The following DDX10 variants were observed in gnomAD, a reference collection of about 807,000 sequenced individuals.
The protein encoded by DDX10 is probable ATP-dependent RNA helicase DDX10.
Under a neutral mutation model 104.3 loss-of-function variants are expected in DDX10, and 74 were observed. That is an observed-to-expected ratio of 0.71 (90% CI 0.59 to 0.86). The LOEUF (loss-of-function observed/expected upper bound fraction) is 0.86, where lower values mean the gene tolerates loss of function less well. Ranked by LOEUF, DDX10 falls within the 40% of genes least tolerant of loss-of-function variation. The probability of loss-of-function intolerance (pLI) is 0.00; values close to 1 mark genes in which losing one functional copy is unlikely to be tolerated. For missense variants in DDX10, 952 were observed against 1,040.0 expected, an observed-to-expected ratio of 0.92 and a Z score of 1.16; for synonymous variants, 351 against 353.4, an observed-to-expected ratio of 0.99 and a Z score of 0.08.
intron 13 of DDX10, among the ~76,000 whole-genome samples, chr11:108,805,501 A>G (rs1406286700): frequency 2.6e-5 from 4 of 152,252 alleles, no homozygotes; most frequent in Non-Finnish European, 5.9e-5. Context: ...GTTATTAGCA[A>G]CATCTTATAT....
chr11:108,702,436 A>G (rs915114599), intron 9 of DDX10, among the ~76,000 whole-genome samples: 9 of 152,226 alleles, frequency 5.9e-5, no homozygotes, highest in Non-Finnish European at 1.3e-4. Flanking sequence ...GCAGTTGTGA[A>G]TAGCGTATCA....
chr11:108,762,811 T>C (rs751750162), intron 13 of DDX10, among the ~76,000 whole-genome samples: 3 of 152,168 alleles, frequency 2.0e-5, no homozygotes, highest in Non-Finnish European at 4.4e-5. Context: ...GGAGAGTGCT[T>C]GTCTGTTTGG....
chr11:108,710,433 T>C (rs2094282733), intron 10 of DDX10, among the ~76,000 whole-genome samples: 1 of 152,178 alleles, frequency 6.6e-6, no homozygotes, highest in Non-Finnish European at 1.5e-5. Flanking sequence ...GTTAAAAATA[T>C]TTGTTTTCCC....
intron 10 of DDX10, among the ~76,000 whole-genome samples, chr11:108,708,018 A>G (rs2094278856): frequency 6.6e-6 from 1 of 152,146 alleles, no homozygotes; most frequent in South Asian, 2.1e-4. Flanking sequence ...AAGGAGCTTG[A>G]TTGCTGGGTC....
At chr11:108,897,010 T>A (rs1370970686) in intron 16 of DDX10, among the ~76,000 whole-genome samples, 4 of 152,122 alleles carry the variant, frequency 2.6e-5, no homozygotes, top group Non-Finnish European at 4.4e-5. Context: ...AAAAACTTTT[T>A]AAAAAATTTC....
intron 16 of DDX10, among the ~76,000 whole-genome samples, chr11:108,857,755 T>C (rs12808674): frequency 0.15 from 22,478 of 152,264 alleles, 1,719 homozygotes; most frequent in East Asian, 0.25. Flanking sequence ...AAATCTGCTT[T>C]ATATGACGCT....
Position 108,678,497 on chromosome 11 carries a change from A to G in DDX10, c.658+62A>G, listed in dbSNP as rs953977175. ...AGCTCAGACTTAGGAGAGAGCCCTT[A>G]TACATTTTTATGATAGAAATTTTAT... On this transcript the variant is annotated intron_variant, in intron 5 of 17. Transcript: ENST00000322536. 6.5e-6 allele frequency: 9 copies of G among 1,384,802 alleles called. No individual in the cohort carries two copies. The African/African-American group carries it at 1.3e-4, about 20-fold the overall frequency. The allele number at this position is 1,384,802 out of a possible 1,614,324, so 85.8% of individuals were successfully genotyped here. A position where few individuals can be genotyped will look rare whatever the true frequency, so the allele number is the denominator to read the frequency against.
rs552029756 is a variant in DDX10 at position 108,893,513 on chromosome 11, AATG to A, written c.2305-24357_2305-24355del. Among the ~76,000 whole-genome samples the A allele has an allele frequency of 9.9e-5, 15 of 152,162 alleles. No homozygotes were observed. In the South Asian group the frequency reaches 3.1e-3, roughly 32 times the overall value. On this transcript the variant is annotated intron_variant, in intron 16 of 17. Coordinates refer to ENST00000322536, the MANE Select transcript of DDX10 (RefSeq NM_004398.4). Reference sequence around the variant, plus strand: ...AATTTTTAAATGTTAACCCATAAATAATGATATTGTTCCTTCTCATAATTATGC... The same window carrying A: ...AATTTTTAAATGTTAACCCATAAATAATATTGTTCCTTCTCATAATTATGC...
intron 13 of DDX10, among the ~76,000 whole-genome samples, chr11:108,813,162 A>G (rs1318985840): frequency 6.6e-6 from 1 of 152,170 alleles, no homozygotes; most frequent in African/African-American, 2.4e-5. Context: ...CCTATAGAAT[A>G]AATTCCTAGA....
intron 6 of DDX10, among the ~76,000 whole-genome samples, chr11:108,680,298 T>G (rs571712716): frequency 6.6e-6 from 1 of 152,344 alleles, no homozygotes; most frequent in African/African-American, 2.4e-5. Context: ...CACTACAGCC[T>G]TCAACTTCTG....
intron 13 of DDX10, among the ~76,000 whole-genome samples, chr11:108,828,279 A>G (rs182348634): frequency 2.0e-5 from 3 of 152,212 alleles, no homozygotes; most frequent in South Asian, 2.1e-4. Flanking sequence ...ACTGTACCCA[A>G]TGTGTAGTCT....
Position 108,665,355 on chromosome 11 carries a change from G to A in DDX10, c.186+16G>A. ...CTATGAAAAGGTGAGGCCGGCGCTG[G>A]GGAGGGGGCTCGGGCCGGCCAGCAG... On this transcript the variant is annotated intron_variant, in intron 1 of 17. Transcript: ENST00000322536. 17 of 1,555,130 alleles carry A rather than the reference G, an allele frequency of 1.1e-5. No individual in the cohort carries two copies. The highest frequency in any genetic ancestry group is 1.5e-5 in the Non-Finnish European group (17 of 1,149,508).
intron 13 of DDX10, among the ~76,000 whole-genome samples, chr11:108,823,818 A>G (rs900957126): frequency 3.9e-5 from 6 of 152,228 alleles, no homozygotes; most frequent in African/African-American, 1.4e-4. Context: ...ATTGGAGCCA[A>G]CTGTGGAATT....
In DDX10 at chr11:108,940,430, C is replaced by T. The variant is rs758364504; in HGVS notation, c.*7C>T. 1.9e-6 allele frequency: 3 copies of T among 1,609,810 alleles called. No individual in the cohort carries two copies. The highest frequency in any genetic ancestry group is 1.8e-4 in the Middle Eastern group (1 of 5,570). On this transcript the variant is annotated 3_prime_UTR_variant, in exon 18 of 18. Coordinates refer to ENST00000322536, the MANE Select transcript of DDX10 (RefSeq NM_004398.4). ...GCTAAGAAGTCAAAGCTAAATACTT[C>T]CTGCGCCTGCCTTCTCCTTGAAACC...
At chr11:108,676,822 C>G (rs1428326513) in intron 3 of DDX10, among the ~76,000 whole-genome samples, 1 of 152,144 alleles carries the variant, frequency 6.6e-6, no homozygotes, top group Non-Finnish European at 1.5e-5. Flanking sequence ...GTTGTACATA[C>G]CTTTCACTGA....
At chr11:108,916,607 A>T (rs1339480771) in intron 16 of DDX10, among the ~76,000 whole-genome samples, 2 of 152,212 alleles carry the variant, frequency 1.3e-5, no homozygotes, top group Middle Eastern at 3.2e-3. Flanking sequence ...AAATCAAAAG[A>T]ATCAAAGAAT....
chr11:108,832,241 A>C (rs1218779240), intron 13 of DDX10, among the ~76,000 whole-genome samples: 2 of 152,152 alleles, frequency 1.3e-5, no homozygotes, highest in African/African-American at 4.8e-5. Flanking sequence ...TAAAATCTGC[A>C]CTTTAAGAAG....
intron 6 of DDX10, among the ~76,000 whole-genome samples, chr11:108,686,809 G>A (rs1300881521): frequency 6.6e-6 from 1 of 152,156 alleles, no homozygotes; most frequent in Non-Finnish European, 1.5e-5. Context: ...TTTTGAGACA[G>A]AGTCTTGCTC....
intron 13 of DDX10, among the ~76,000 whole-genome samples, chr11:108,769,605 CAAT>C (rs1448475142): frequency 6.6e-6 from 1 of 152,086 alleles, no homozygotes; most frequent in Non-Finnish European, 1.5e-5. Context: ...TTGATTTTCA[CAAT>C]GATAGGTTGT....
Sources: allele counts gnomAD v4.1 joint callset (sites outside exome capture counted in the v4.1 genomes callset), GRCh38; gene constraint gnomAD v4.1.1; transcripts MANE v1.5; gene names NCBI Gene and HGNC (gene_info 2026-07-23, HGNC 2026-07-21).